RBMS3: variants seen among roughly 807,000 people sequenced by gnomAD.
RBMS3 encodes RNA-binding motif, single-stranded-interacting protein 3.
A neutral mutation model predicts 66.8 loss-of-function variants in RBMS3; 27 were observed. The observed-to-expected ratio is 0.40, with a 90% CI of 0.30 to 0.56. The LOEUF is 0.56. Among genes scored for constraint, RBMS3 ranks in the 20% least tolerant of loss-of-function variants. The probability of loss-of-function intolerance (pLI) is 0.40; values close to 1 mark genes in which losing one functional copy is unlikely to be tolerated. For missense variants in RBMS3, 513 were observed against 549.5 expected, an observed-to-expected ratio of 0.93 and a Z score of 0.66; for synonymous variants, 188 against 183.0, an observed-to-expected ratio of 1.03 and a Z score of -0.22.
intron 6 of RBMS3, among the ~76,000 whole-genome samples, chr3:29,809,571 C>T (rs2057667204): frequency 6.6e-6 from 1 of 151,886 alleles, no homozygotes; most frequent in Non-Finnish European, 1.5e-5. Context: ...TAAATTTTAT[C>T]ATATATTTGA....
chr3:29,613,307 T>C (rs574162731), intron 4 of RBMS3, among the ~76,000 whole-genome samples: 2 of 152,282 alleles, frequency 1.3e-5, no homozygotes, highest in South Asian at 4.1e-4. Context: ...TCCCTAACCA[T>C]GTGCAGGTGT....
chr3:29,943,253 G>A (rs1363341635), intron 11 of RBMS3, among the ~76,000 whole-genome samples: 1 of 151,790 alleles, frequency 6.6e-6, no homozygotes, highest in African/African-American at 2.4e-5. Context: ...CACACAAGAG[G>A]ACCTATTTAA....
chr3:29,862,905 G>C (rs1577021428), intron 6 of RBMS3, among the ~76,000 whole-genome samples: 1 of 150,846 alleles, frequency 6.6e-6, no homozygotes, highest in East Asian at 1.9e-4. Flanking sequence ...AAACTATTCA[G>C]GGATGGAAGG....
In RBMS3 at chr3:29,990,036, AAAATAT is replaced by A. The variant is rs1386962948; in HGVS notation, c.1180-1038_1180-1033del. Among the ~76,000 whole-genome samples, 27 of 152,306 alleles carry A rather than the reference AAAATAT, an allele frequency of 1.8e-4. No individual in the cohort carries two copies. In the East Asian group the frequency reaches 4.1e-3, roughly 23 times the overall value. The stretch of plus-strand genomic sequence containing the variant: ...GATTAAAAGAAATATTTCATTGATA[AAAATAT>A]AAATATACTCTGATATATTGCCTTG... On this transcript the variant is annotated intron_variant, in intron 13 of 14. Coordinates refer to ENST00000383767, the MANE Select transcript of RBMS3 (RefSeq NM_001003793.3).
intron 3 of RBMS3, among the ~76,000 whole-genome samples, chr3:29,505,209 A>T (rs1349880146): frequency 6.6e-6 from 1 of 151,886 alleles, no homozygotes; most frequent in African/African-American, 2.4e-5. Flanking sequence ...TTACATTTTT[A>T]ATCCCTTTTG....
At chr3:29,316,266 A>C (rs2034670601) in intron 1 of RBMS3, among the ~76,000 whole-genome samples, 1 of 151,736 alleles carries the variant, frequency 6.6e-6, no homozygotes, top group African/African-American at 2.4e-5. Context: ...AAATATGTCA[A>C]ATATGCATTG....
At chr3:29,570,912 A>C (rs113100788) in intron 3 of RBMS3, among the ~76,000 whole-genome samples, 4 of 151,932 alleles carry the variant, frequency 2.6e-5, no homozygotes, top group African/African-American at 9.7e-5. Context: ...TCTTCTCCAT[A>C]GTGGTTGTAC....
intron 1 of RBMS3, among the ~76,000 whole-genome samples, chr3:29,397,768 C>T (rs975075718): frequency 3.8e-4 from 58 of 152,040 alleles, no homozygotes; most frequent in African/African-American, 1.4e-3. Context: ...AGGCTGGATT[C>T]GAACTCCTGG....
intron 1 of RBMS3, among the ~76,000 whole-genome samples, chr3:29,361,943 A>G (rs2037617834): frequency 6.6e-6 from 1 of 152,140 alleles, no homozygotes; most frequent in South Asian, 2.1e-4. Context: ...CTAGTTAGCC[A>G]TTAGTCGAAT....
At chr3:29,803,030 T>A (rs182342419) in intron 6 of RBMS3, among the ~76,000 whole-genome samples, 273 of 152,264 alleles carry the variant, frequency 1.8e-3, no homozygotes, top group African/African-American at 5.9e-3. Flanking sequence ...CTGAAAGCCC[T>A]AGTACTATAG....
At chr3:29,580,265 C>CT (rs1379528623) in intron 3 of RBMS3, among the ~76,000 whole-genome samples, 1 of 152,134 alleles carries the variant, frequency 6.6e-6, no homozygotes, top group Non-Finnish European at 1.5e-5. Context: ...AATACTAGCA[C>CT]TTTTTTCCCA....
At chr3:29,637,360 A>C (rs541860060) in intron 4 of RBMS3, among the ~76,000 whole-genome samples, 1 of 151,830 alleles carries the variant, frequency 6.6e-6, no homozygotes, top group Non-Finnish European at 1.5e-5. Context: ...ACCACCTCCG[A>C]AAGATGCAGC....
chr3:29,770,339 T>C (rs942220678), intron 6 of RBMS3, among the ~76,000 whole-genome samples: 2 of 152,044 alleles, frequency 1.3e-5, no homozygotes, highest in African/African-American at 4.8e-5. Flanking sequence ...CACATTAACA[T>C]ATTATTTCTC....
At chr3:29,800,722 A>C (rs2371828) in intron 6 of RBMS3, among the ~76,000 whole-genome samples, 8,245 of 152,186 alleles carry the variant, frequency 0.054, 683 homozygotes, top group African/African-American at 0.17. Flanking sequence ...TTTTTGGAAA[A>C]GTAAAGTGTA....
At chr3:29,414,862 C>T (rs1342959819) in intron 1 of RBMS3, among the ~76,000 whole-genome samples, 1 of 152,156 alleles carries the variant, frequency 6.6e-6, no homozygotes, top group Non-Finnish European at 1.5e-5. Context: ...CTACAGTGAG[C>T]AATTATCCCA....
chr3:29,724,909 G>A (rs939942129), intron 4 of RBMS3, among the ~76,000 whole-genome samples: 1 of 152,134 alleles, frequency 6.6e-6, no homozygotes, highest in Non-Finnish European at 1.5e-5. Context: ...TCTAAGGCAG[G>A]CAGAGATCAT....
intron 14 of RBMS3, among the ~76,000 whole-genome samples, chr3:29,997,139 C>G (rs1235448290): frequency 6.6e-6 from 1 of 151,774 alleles, no homozygotes; most frequent in East Asian, 1.9e-4. Context: ...ACTACAAACA[C>G]CTCTACGCAA....
In RBMS3 at chr3:29,994,090, AGCAGGGCGAG is replaced by A. The variant is rs1699059631; in HGVS notation, c.1307+2885_1307+2894del. ...GGTGCATGCACCGTGCGCAAGCCGA[AGCAGGGCGAG>A]GCATTGCCTCACTTGGGAAGCGCAA... On this transcript the variant is annotated intron_variant, in intron 14 of 14. Coordinates refer to ENST00000383767, the MANE Select transcript of RBMS3 (RefSeq NM_001003793.3). Among the ~76,000 whole-genome samples the A allele has an allele frequency of 5.9e-5, 9 of 152,314 alleles. No homozygotes were observed. In the South Asian group the frequency reaches 1.9e-3, roughly 32 times the overall value.
chr3:29,602,381 C>T (rs1659948757), intron 4 of RBMS3, among the ~76,000 whole-genome samples: 1 of 151,982 alleles, frequency 6.6e-6, no homozygotes, highest in African/African-American at 2.4e-5. Context: ...TGGCTGATAA[C>T]GTCCAGGAAA....
Sources: gnomAD v4.1 joint callset for allele counts (sites outside exome capture counted in the v4.1 genomes callset) on GRCh38, gnomAD v4.1.1 for gene constraint, MANE v1.5 for transcripts, NCBI Gene and HGNC (gene_info 2026-07-23, HGNC 2026-07-21) for gene names.